Variants in PAICS observed in about 807,000 individuals in gnomAD.
PAICS encodes bifunctional phosphoribosylaminoimidazole carboxylase/phosphoribosylaminoimidazole succinocarboxamide synthetase.
In PAICS, 33 loss-of-function variants were observed where a neutral mutation model predicts 53.7. The ratio of observed to expected loss-of-function variants is 0.61; its 90% CI spans 0.47 to 0.82. The LOEUF (loss-of-function observed/expected upper bound fraction) is 0.82. Ranked by LOEUF, PAICS falls within the 40% of genes least tolerant of loss-of-function variation. The pLI is 0.00. For missense variants in PAICS, 394 were observed against 494.1 expected (o/e 0.80, Z 1.92); for synonymous variants, 141 against 167.2 (o/e 0.84, Z 1.21).
At chr4:56,413,499 A>G in the PAICS span, among the ~76,000 whole-genome samples, 1 of 152,240 alleles carries the variant, frequency 6.6e-6, no homozygotes, top group Non-Finnish European at 1.5e-5. Context: ...TTCCAAAATA[A>G]CTGTACTTCA....
chr4:56,418,029 G>C, the PAICS span, among the ~76,000 whole-genome samples: 1 of 152,090 alleles, frequency 6.6e-6, no homozygotes, highest in Non-Finnish European at 1.5e-5. Flanking sequence ...AGTAAATACA[G>C]GGTTTCACCA....
At chr4:56,442,425 T>C (rs1386282952) in intron 2 of PAICS, among the ~76,000 whole-genome samples, 5 of 152,158 alleles carry the variant, frequency 3.3e-5, no homozygotes, top group African/African-American at 1.2e-4. Flanking sequence ...AATAGAGAAA[T>C]AGATTCAAAA....
chr4:56,435,634 C>T, upstream of PAICS: 4 of 1,451,716 alleles, frequency 2.8e-6, no homozygotes, highest in Non-Finnish European at 1.8e-6. Flanking sequence ...GCGCGCTGTC[C>T]CTAGGTGGCG....
chr4:56,414,194 T>C, the PAICS span: 8 of 152,240 alleles, frequency 5.3e-5, no homozygotes, highest in Non-Finnish European at 1.2e-4. Context: ...TGATTCATTA[T>C]GTAATGTTTT....
the PAICS span, among the ~76,000 whole-genome samples, chr4:56,424,475 C>T: frequency 6.6e-6 from 1 of 152,032 alleles, no homozygotes; most frequent in Non-Finnish European, 1.5e-5. Flanking sequence ...TTTGCTAATG[C>T]CGATAGATTA....
At chr4:56,448,988 G>T (rs1333602064) in intron 5 of PAICS, among the ~76,000 whole-genome samples, 165 bp downstream of exon 5, 1 of 152,070 alleles carries the variant, frequency 6.6e-6, no homozygotes, top group African/African-American at 2.4e-5. Context: ...CCTAATAGAA[G>T]AATAATAGGA....
At chr4:56,433,413 G>GA (rs1182906456), upstream of PAICS, among the ~76,000 whole-genome samples, 24 of 90,148 alleles carry the variant, frequency 2.7e-4, no homozygotes, top group East Asian at 1.1e-3. Context: ...AAAAAAAAAA[G>GA]AAAAAAAAAA....
At position 56,459,382 on chromosome 4, in the gene PAICS, T is replaced by C; in HGVS notation, c.1122T>C (p.Cys374=). ...TTGCTGAACCAATAGGTCTTGGCTG[T>C]TCAACCGTACTTTCTCCAGAAGGAT... ...SSLRLPSGLG[C]STVLSPEGSA... The change falls in exon 9 of 9, where the codon TGT becomes TGC. Residue 374 remains cysteine (C), a synonymous_variant. Coordinates refer to ENST00000512576, the MANE Select transcript of PAICS (RefSeq NM_001079524.2). 1 of 1,588,616 alleles carries C rather than the reference T, an allele frequency of 6.3e-7. No individual in the cohort carries two copies. Among genetic ancestry groups the C allele is most frequent in the Non-Finnish European group, 8.6e-7 (1 of 1,162,794 alleles).
chr4:56,441,672 T>G lies in PAICS; in HGVS notation c.26T>G (p.Ile9Ser). The G allele has an allele frequency of 6.4e-7, 1 of 1,567,770 alleles. No homozygotes were observed. The highest frequency in any genetic ancestry group is 1.4e-5 in the African/African-American group (1 of 73,106). MATAEVLN[I>S]GKKLYEGKTK... ...CATTTTATTTCCACAGTACTGAACATTGGTAAAAAATTATATGAGGGTAAA... is the reference window on the plus strand; with the variant it reads ...CATTTTATTTCCACAGTACTGAACAGTGGTAAAAAATTATATGAGGGTAAA... Residue 9 changes from isoleucine (I) to serine (S), a missense_variant, in exon 2 of 9, where the codon ATT becomes AGT. Physicochemically the swap from Ile to Ser is moderately radical, Grantham distance 142. Transcript: ENST00000512576.
At chr4:56,435,672 T>C, upstream of PAICS, 1 of 1,442,380 alleles carries the variant, frequency 6.9e-7, no homozygotes, top group Non-Finnish European at 9.2e-7. Flanking sequence ...CTCCTCCCCC[T>C]CCGAGTCCAC....
At position 56,459,756 on chromosome 4, in the gene PAICS, C is replaced by A. The variant is rs1719409970; in HGVS notation, c.*218C>A. On this transcript the variant is annotated 3_prime_UTR_variant, in exon 9 of 9. Transcript: ENST00000512576. ...GATATTTCAGCCAGCCTTTATCATT[C>A]CTCTTACTTTATCCTTTTTCCTTAA... 2 of 442,214 alleles carry A rather than the reference C, an allele frequency of 4.5e-6. No homozygotes were observed. Among genetic ancestry groups the A allele is most frequent in the South Asian group, 7.9e-5 (2 of 25,456 alleles). The allele number at this position is 442,214 out of a possible 1,614,324, so 27.4% of individuals were successfully genotyped here. A position where few individuals can be genotyped will look rare whatever the true frequency, so the allele number is the denominator to read the frequency against.
chr4:56,436,351 C>G (rs990151538), intron 1 of PAICS, 23 bp downstream of exon 1: 2 of 1,537,534 alleles, frequency 1.3e-6, no homozygotes, highest in Non-Finnish European at 1.8e-6. Flanking sequence ...GATCCGGGCC[C>G]TTCACGGTCT....
chr4:56,438,409 T>G (rs1417559600), intron 1 of PAICS, among the ~76,000 whole-genome samples: 1 of 76,640 alleles, frequency 1.3e-5, no homozygotes, highest in South Asian at 4.5e-4. Flanking sequence ...ATATAAAAGG[T>G]TTTTTTTGTT....
rs115254895 is a variant in PAICS at position 56,445,620 on chromosome 4, T to C, written c.215-1075T>C. Among the ~76,000 whole-genome samples, 375 of 152,184 alleles carry C rather than the reference T, an allele frequency of 2.5e-3. 2 individuals are homozygous for C. The highest frequency in any genetic ancestry group is 8.6e-3 in the African/African-American group (356 of 41,518). ...AACAAAAAAACCTACCTCAAAATTT[T>C]ATGCACAGTTAAATGAGACAACATA... On this transcript the variant is annotated intron_variant, in intron 2 of 8. Transcript: ENST00000512576.
upstream of PAICS, chr4:56,435,752 A>G (rs1717886975): frequency 6.7e-7 from 1 of 1,490,964 alleles, no homozygotes. Flanking sequence ...GGGTGGAGCT[A>G]GCCTTCCCCT....
chr4:56,417,834 G>GTTTTTT, the PAICS span, among the ~76,000 whole-genome samples: 2 of 111,160 alleles, frequency 1.8e-5, no homozygotes, highest in African/African-American at 7.1e-5. Flanking sequence ...TTGAAGATTT[G>GTTTTTT]GTTTTTTGTT....
chr4:56,448,326 G>A, intron 3 of PAICS, 92 bp from the exon 4 acceptor site: 1 of 904,150 alleles, frequency 1.1e-6, no homozygotes, highest in Non-Finnish European at 1.6e-6. Flanking sequence ...TTTCTAAGGA[G>A]TTCATGCTCA....
chr4:56,436,457 C>A, intron 1 of PAICS, 129 bp downstream of exon 1: 1 of 809,264 alleles, frequency 1.2e-6, no homozygotes, highest in Non-Finnish European at 2.1e-6. Flanking sequence ...CGCGCGGGCG[C>A]ACACGTGGCC....
the PAICS span, among the ~76,000 whole-genome samples, chr4:56,417,392 A>G: frequency 6.6e-6 from 1 of 152,218 alleles, no homozygotes; most frequent in African/African-American, 2.4e-5. Flanking sequence ...CTTAAAACTC[A>G]TGAACCTGAC....
Sources: allele counts gnomAD v4.1 joint callset (sites outside exome capture counted in the v4.1 genomes callset), GRCh38; gene constraint gnomAD v4.1.1; transcripts MANE v1.5; gene names NCBI Gene and HGNC (gene_info 2026-07-23, HGNC 2026-07-21).